GFRAL: variants seen among roughly 807,000 people sequenced by gnomAD.
GFRAL encodes GDNF family receptor alpha-like.
GFRAL carries 36 observed loss-of-function variants against 45.4 expected under a neutral mutation model. That is an observed-to-expected ratio of 0.79 (90% CI 0.61 to 1.05). The LOEUF (loss-of-function observed/expected upper bound fraction) is 1.05, where lower values mean the gene tolerates loss of function less well. GFRAL is among the 50% of genes least tolerant of loss of function. The pLI is 0.00. For synonymous variants in GFRAL, 166 were observed against 154.1 expected, an observed-to-expected ratio of 1.08 and a Z score of -0.57; for missense variants, 507 against 467.5, an observed-to-expected ratio of 1.08 and a Z score of -0.78.
intron 6 of GFRAL, 70 bp downstream of exon 6, chr6:55,359,208 G>A (rs1398052300): frequency 8.2e-7 from 1 of 1,215,864 alleles, no homozygotes; most frequent in Non-Finnish European, 1.1e-6. Flanking sequence ...TATCTATTTT[G>A]TTTTTGCCTA....
At chr6:55,367,074 C>G (rs1277942515) in intron 6 of GFRAL, among the ~76,000 whole-genome samples, 1 of 74,156 alleles carries the variant, frequency 1.3e-5, no homozygotes, top group Admixed American at 1.4e-4. Flanking sequence ...GTGTGGGAGT[C>G]TAAGTCTCTT....
At chr6:55,401,340 C>T (rs1768893572) in intron 8 of GFRAL, among the ~76,000 whole-genome samples, 2 of 152,104 alleles carry the variant, frequency 1.3e-5, no homozygotes, top group African/African-American at 4.8e-5. Context: ...GCAACAAAAC[C>T]TGTGTTGCCC....
chr6:55,368,365 A>T (rs1366258349), intron 6 of GFRAL, among the ~76,000 whole-genome samples: 4 of 150,118 alleles, frequency 2.7e-5, no homozygotes, highest in Non-Finnish European at 4.5e-5. Context: ...CAAAGTTTTC[A>T]ACTTCTTTGC....
At chr6:55,395,218 C>T (rs1304938073) in intron 6 of GFRAL, among the ~76,000 whole-genome samples, 6 of 142,972 alleles carry the variant, frequency 4.2e-5, no homozygotes, top group African/African-American at 1.4e-4. Flanking sequence ...AAATTTTACA[C>T]ATTTTCCAAA....
intron 6 of GFRAL, among the ~76,000 whole-genome samples, chr6:55,378,727 C>G (rs1424275336): frequency 6.6e-6 from 1 of 151,876 alleles, no homozygotes; most frequent in South Asian, 2.1e-4. Flanking sequence ...AAGCAATTTA[C>G]CACTGACCAT....
At chr6:55,345,945 C>T (rs1247090244) in intron 3 of GFRAL, among the ~76,000 whole-genome samples, 1 of 152,196 alleles carries the variant, frequency 6.6e-6, no homozygotes, top group Admixed American at 6.5e-5. Flanking sequence ...AAAAAATGCT[C>T]ACTATCACTG....
intron 6 of GFRAL, among the ~76,000 whole-genome samples, chr6:55,393,791 G>A (rs1018725600): frequency 5.9e-5 from 9 of 152,102 alleles, no homozygotes; most frequent in African/African-American, 2.2e-4. Flanking sequence ...AGAGGCTTTA[G>A]GATTTCATTT....
intron 3 of GFRAL, among the ~76,000 whole-genome samples, chr6:55,347,074 C>A (rs114623711): frequency 4.0e-5 from 6 of 151,678 alleles, no homozygotes; most frequent in East Asian, 2.0e-4. Flanking sequence ...TAGAGAATCA[C>A]GGGAAAGTAA....
At position 55,350,092 on chromosome 6, in the gene GFRAL, A is replaced by G. The variant is rs755624313; in HGVS notation, c.317A>G (p.Asp106Gly). 1 of 1,506,026 alleles carries G rather than the reference A, an allele frequency of 6.6e-7. No homozygotes were observed. The highest frequency in any genetic ancestry group is 9.2e-7 in the Non-Finnish European group (1 of 1,084,008). The allele number at this position is 1,506,026 out of a possible 1,614,324, so 93.3% of individuals were successfully genotyped here. A position where few individuals can be genotyped will look rare whatever the true frequency, so the allele number is the denominator to read the frequency against. Residue 106 changes from aspartate to glycine, a missense_variant and splice_region_variant, in exon 4 of 9, where the codon GAT becomes GGT. Coordinates refer to ENST00000340465, the MANE Select transcript of GFRAL (RefSeq NM_207410.2). ...LLGKKCINKS[D>G]NVKEDKFKWN... ...AATAATTTCTTTGTTTTCCTTCTAG[A>G]TAACGTGAAAGAGGATAAATTCAAA...
chr6:55,380,550 C>T (rs939402067), intron 6 of GFRAL, among the ~76,000 whole-genome samples: 8 of 151,940 alleles, frequency 5.3e-5, no homozygotes, highest in African/African-American at 1.9e-4. Flanking sequence ...TCAAGCAAGT[C>T]TGGGAACCAC....
rs1282410495 is a variant in GFRAL at position 55,383,104 on chromosome 6, CTTCATTG to C, written c.953-16070_953-16064del. Reference sequence around the variant, plus strand: ...ATCAACTGGGGCTATTAGTTGCAAACTTCATTGTTCATAAGAATCACATGGTTTCCAG... The same window carrying C: ...ATCAACTGGGGCTATTAGTTGCAAACTTCATAAGAATCACATGGTTTCCAG... On this transcript the variant is annotated intron_variant, in intron 6 of 8. Coordinates refer to ENST00000340465, the MANE Select transcript of GFRAL (RefSeq NM_207410.2). Among the ~76,000 whole-genome samples the C allele has an allele frequency of 2.0e-5, 3 of 151,802 alleles. No individual in the cohort carries two copies. The East Asian group carries it at 5.8e-4, about 29-fold the overall frequency.
intron 6 of GFRAL, among the ~76,000 whole-genome samples, chr6:55,379,561 T>A (rs1470613958): frequency 1.0e-5 from 1 of 96,332 alleles, no homozygotes; most frequent in Non-Finnish European, 2.1e-5. Context: ...ATATGCAAGA[T>A]GATGTTTTGA....
chr6:55,332,509 TC>T (rs1767843621), intron 2 of GFRAL, among the ~76,000 whole-genome samples: 1 of 151,924 alleles, frequency 6.6e-6, no homozygotes, highest in Non-Finnish European at 1.5e-5. Context: ...AACCTCCGCC[TC>T]CCGGGTTCAA....
intron 6 of GFRAL, among the ~76,000 whole-genome samples, chr6:55,368,663 G>C (rs1429010698): frequency 5.9e-5 from 9 of 152,108 alleles, no homozygotes; most frequent in East Asian, 1.9e-4. Context: ...TTCTAACAGA[G>C]AGGACCCTCA....
At position 55,387,850 on chromosome 6, in the gene GFRAL, A is replaced by G. The variant is rs182850407; in HGVS notation, c.953-11330A>G. On this transcript the variant is annotated intron_variant, in intron 6 of 8. Coordinates refer to ENST00000340465, the MANE Select transcript of GFRAL (RefSeq NM_207410.2). Reference sequence around the variant, plus strand: ...TCATATTTACAGCTAATAAGCTATAAAATGAGAACAACGTAATTTTCATTC... The same window carrying G: ...TCATATTTACAGCTAATAAGCTATAGAATGAGAACAACGTAATTTTCATTC... Among the ~76,000 whole-genome samples, 15 of 152,320 alleles carry G rather than the reference A, an allele frequency of 9.8e-5. No individual in the cohort carries two copies. In the East Asian group the frequency reaches 2.5e-3, roughly 25 times the overall value.
At chr6:55,376,736 TTTC>T (rs1768539891) in intron 6 of GFRAL, among the ~76,000 whole-genome samples, 1 of 152,070 alleles carries the variant, frequency 6.6e-6, no homozygotes, top group African/African-American at 2.4e-5. Context: ...TCTTCTTTCT[TTTC>T]TTCTTTACTA....
intron 5 of GFRAL, among the ~76,000 whole-genome samples, chr6:55,357,814 G>A (rs2127356924): frequency 6.6e-6 from 1 of 151,694 alleles, no homozygotes; most frequent in Non-Finnish European, 1.5e-5. Flanking sequence ...GATAAACCAT[G>A]CAATTTAAAC....
At chr6:55,333,761 A>T in intron 2 of GFRAL, 25 bp from the exon 3 acceptor site, 1 of 1,527,030 alleles carries the variant, frequency 6.5e-7, no homozygotes, top group African/African-American at 1.4e-5. Context: ...ATTAATATCT[A>T]TAGTGTTATG....
chr6:55,336,730 T>C (rs943765096), intron 3 of GFRAL, among the ~76,000 whole-genome samples: 3 of 152,176 alleles, frequency 2.0e-5, no homozygotes, highest in Non-Finnish European at 2.9e-5. Context: ...TTCCCTGCTT[T>C]ATTACCCCAA....
Sources: allele counts gnomAD v4.1 joint callset (sites outside exome capture counted in the v4.1 genomes callset), GRCh38; gene constraint gnomAD v4.1.1; transcripts MANE v1.5; gene names NCBI Gene and HGNC (gene_info 2026-07-23, HGNC 2026-07-21).